LYAR: variants seen among roughly 807,000 people sequenced by gnomAD.
LYAR encodes the protein Ly1 antibody reactive, also known as cell growth-regulating nucleolar protein.
In LYAR, 37 loss-of-function variants were observed where a neutral mutation model predicts 45.2. The observed-to-expected ratio is 0.82, with a 90% CI of 0.63 to 1.08. The LOEUF (loss-of-function observed/expected upper bound fraction) is 1.08. LYAR is among the 50% of genes least tolerant of loss of function. LYAR has a pLI of 0.00. For synonymous variants in LYAR, 176 were observed against 155.1 expected (o/e 1.14, Z -1.00); for missense variants, 493 against 451.0 (o/e 1.09, Z -0.84).
At position 4,268,716 on chromosome 4, in the gene LYAR, A is replaced by T. The variant is rs1355938210; in HGVS notation, c.920-101T>A. On this transcript the variant is annotated intron_variant, in intron 8 of 9. Transcript: ENST00000343470. ...ACACCTATTTGCTTCCCAGGAAATGAGCTAACCCTCTAATGAACCAGACTC... is the reference window on the plus strand; with the variant it reads ...ACACCTATTTGCTTCCCAGGAAATGTGCTAACCCTCTAATGAACCAGACTC... 44 of 718,832 alleles carry T rather than the reference A, an allele frequency of 6.1e-5. 1 individual carries two copies. In the South Asian group the frequency reaches 7.5e-4, roughly 12 times the overall value. The allele number at this position is 718,832 out of a possible 1,614,324, so 44.5% of individuals were successfully genotyped here. A position where few individuals can be genotyped will look rare whatever the true frequency, so the allele number is the denominator to read the frequency against.
rs190875218 is a variant in LYAR at position 4,271,302 on chromosome 4, A to G, written c.919+2281T>C. On this transcript the variant is annotated intron_variant, in intron 8 of 9. Transcript: ENST00000343470. ...CTGTGCTTGGCTTATTTCACTTAGC[A>G]TAATGACTTCCAGTTCCATCCACGT... Among the ~76,000 whole-genome samples, 46 of 152,322 alleles carry G rather than the reference A, an allele frequency of 3.0e-4. No individual in the cohort carries two copies. The East Asian group carries it at 7.7e-3, about 26-fold the overall frequency.
chr4:4,276,396 G>A lies in LYAR; in HGVS notation c.430-1627C>T, dbSNP rs73795223. Among the ~76,000 whole-genome samples, 624 of 152,214 alleles carry A rather than the reference G, an allele frequency of 4.1e-3. 3 individuals carry two copies. Among genetic ancestry groups the A allele is most frequent in the African/African-American group, 0.015 (604 of 41,530 alleles). On this transcript the variant is annotated intron_variant, in intron 6 of 9. Transcript: ENST00000343470. ...ACTCAGGACTCAGACCTTAAGGCTC[G>A]ATCCTTGGCTACAAGAGCAGCATTA...
At chr4:4,278,050 A>C (rs1257818831) in intron 6 of LYAR, among the ~76,000 whole-genome samples, 1 of 152,178 alleles carries the variant, frequency 6.6e-6, no homozygotes, top group Admixed American at 6.5e-5. Context: ...ACTGGAAAAA[A>C]CTTTCTAAAA....
Position 4,274,471 on chromosome 4 carries a change from C to T in LYAR, c.728G>A (p.Gly243Asp), listed in dbSNP as rs41264703. The T allele has an allele frequency of 0.018, 29,627 of 1,614,142 alleles. 332 individuals are homozygous for T. The highest frequency in any genetic ancestry group is 0.022 in the Non-Finnish European group (25,715 of 1,180,020). ...AGGEEVPEAN[G>D]SAGKRSKKKK... Reference sequence around the variant, plus strand: ...CTTCTTGCTCCTCTTCCCTGCAGAGCCATTGGCCTCAGGGACTTCCTCCCC... The same window carrying T: ...CTTCTTGCTCCTCTTCCCTGCAGAGTCATTGGCCTCAGGGACTTCCTCCCC... Residue 243 changes from glycine (G) to aspartate (D), a missense_variant, in exon 7 of 10, where the codon GGC becomes GAC. Gly to Asp is a moderately conservative substitution (Grantham distance 94, BLOSUM62 -1). Coordinates refer to ENST00000343470, the MANE Select transcript of LYAR (RefSeq NM_017816.3).
At chr4:4,276,844 G>A (rs935755291) in intron 6 of LYAR, among the ~76,000 whole-genome samples, 2 of 152,030 alleles carry the variant, frequency 1.3e-5, no homozygotes, top group African/African-American at 4.8e-5. Context: ...GTGACAGAGT[G>A]AGACTCCGTC....
chr4:4,279,194 A>G (rs1049315483), intron 6 of LYAR, among the ~76,000 whole-genome samples: 1 of 151,980 alleles, frequency 6.6e-6, no homozygotes, highest in Admixed American at 6.6e-5. Context: ...TTAGCTGGGC[A>G]TGATGGCTCG....
At position 4,279,744 on chromosome 4, in the gene LYAR, A is replaced by G; in HGVS notation, c.243T>C (p.Ile81=). Reference sequence around the variant, plus strand: ...CATTGGGTCTCTTTATTAATTCACTAATTTTCTACAAAAAGGGAAGAAAAA... The same window carrying G: ...CATTGGGTCTCTTTATTAATTCACTGATTTTCTACAAAAAGGGAAGAAAAA... ...DIKQQAWIQK[I]SELIKRPNVS... The change falls in exon 5 of 10, where the codon ATT becomes ATC. Residue 81 remains isoleucine, a synonymous_variant. Coordinates refer to ENST00000343470, the MANE Select transcript of LYAR (RefSeq NM_017816.3). 1 of 1,582,218 alleles carries G rather than the reference A, an allele frequency of 6.3e-7. No individual in the cohort carries two copies. The highest frequency in any genetic ancestry group is 1.4e-5 in the African/African-American group (1 of 73,704).
At chr4:4,283,025 C>T (rs1434961475) in intron 3 of LYAR, among the ~76,000 whole-genome samples, 2 of 152,218 alleles carry the variant, frequency 1.3e-5, no homozygotes, top group African/African-American at 4.8e-5. Flanking sequence ...TTCCCTGGGT[C>T]TGTAAACAGT....
intron 1 of LYAR, among the ~76,000 whole-genome samples, chr4:4,287,266 A>T (rs1300702185): frequency 1.3e-5 from 2 of 152,306 alleles, no homozygotes; most frequent in East Asian, 3.9e-4. Context: ...GGCAGAAGGC[A>T]GTGTTCTTGG....
Position 4,281,917 on chromosome 4 carries a change from T to C in LYAR, c.123-20A>G, listed in dbSNP as rs769734974. 8 of 1,566,784 alleles carry C rather than the reference T, an allele frequency of 5.1e-6. No homozygotes were observed. Among genetic ancestry groups the C allele is most frequent in the Non-Finnish European group, 3.5e-6 (4 of 1,137,416 alleles). Reference sequence around the variant, plus strand: ...TCGCCCCTTTAAAGTGATCAAAAGTTCTGCCATTAGACTGATACCCAAGTT... The same window carrying C: ...TCGCCCCTTTAAAGTGATCAAAAGTCCTGCCATTAGACTGATACCCAAGTT... On this transcript the variant is annotated intron_variant, in intron 3 of 9. Transcript: ENST00000343470.
chr4:4,274,576 A>T lies in LYAR; in HGVS notation c.623T>A (p.Leu208Ter). ...KRKREKKELK[L>*]ENHQENSRNQ... ...CCTTGAGTTTTCCTGGTGGTTTTCT[A>T]ACTTTAGTTCTTTCTTTTCTCTTTT... The change falls in exon 7 of 10, where the codon TTA (leucine) becomes TAA (stop). Residue 208 changes from leucine (L) to a stop codon, truncating the protein, a stop_gained. Transcript: ENST00000343470. LOFTEE classifies it high-confidence loss of function. The T allele has an allele frequency of 1.2e-6, 2 of 1,613,242 alleles. No individual in the cohort carries two copies. Among genetic ancestry groups the T allele is most frequent in the Non-Finnish European group, 1.7e-6 (2 of 1,179,858 alleles).
chr4:4,268,481 A>C (rs1339025556), intron 9 of LYAR, 49 bp downstream of exon 9: 2 of 1,191,174 alleles, frequency 1.7e-6, no homozygotes, highest in South Asian at 1.3e-5. Flanking sequence ...ACATTTAGAA[A>C]TAAGTTCTCC....
intron 8 of LYAR, among the ~76,000 whole-genome samples, chr4:4,271,644 C>A (rs1283034457): frequency 6.6e-6 from 1 of 152,186 alleles, no homozygotes; most frequent in African/African-American, 2.4e-5. Flanking sequence ...AGTGCACCAG[C>A]GTTCCTTTTT....
chr4:4,286,080 T>C (rs904669691), intron 2 of LYAR, among the ~76,000 whole-genome samples: 2 of 152,362 alleles, frequency 1.3e-5, no homozygotes, highest in Admixed American at 6.5e-5. Context: ...AATGGGTGGA[T>C]TGCACAGGAA....
At chr4:4,281,638 G>T in intron 4 of LYAR, 145 bp downstream of exon 4, 1 of 637,960 alleles carries the variant, frequency 1.6e-6, no homozygotes, top group East Asian at 2.6e-5. Flanking sequence ...TTTTTCAAGA[G>T]GTTTTAGTTC....
intron 7 of LYAR, 62 bp from the exon 8 acceptor site, chr4:4,273,731 T>C: frequency 5.3e-6 from 5 of 937,040 alleles, no homozygotes; most frequent in Non-Finnish European, 8.6e-6. Flanking sequence ...AGCTACCATT[T>C]AATGAGACCT....
chr4:4,268,674 A>G (rs1296056870), intron 8 of LYAR, 59 bp from the exon 9 acceptor site: 1 of 1,148,668 alleles, frequency 8.7e-7, no homozygotes, highest in Admixed American at 2.0e-5. Flanking sequence ...GAGAAGGGTA[A>G]AGAAACAACT....
At chr4:4,268,056 T>G in intron 9 of LYAR, 33 bp from the exon 10 acceptor site, 1 of 1,524,376 alleles carries the variant, frequency 6.6e-7, no homozygotes, top group Non-Finnish European at 8.8e-7. Context: ...TGAGTGTATT[T>G]GACCTGGAAA....
At chr4:4,272,134 A>C (rs1179901417) in intron 8 of LYAR, among the ~76,000 whole-genome samples, 1 of 152,178 alleles carries the variant, frequency 6.6e-6, no homozygotes, top group Non-Finnish European at 1.5e-5. Context: ...AGCCTTGCGC[A>C]ATGGCGATGG....
Sources: allele counts gnomAD v4.1 joint callset (sites outside exome capture counted in the v4.1 genomes callset), GRCh38; gene constraint gnomAD v4.1.1; transcripts MANE v1.5; gene names NCBI Gene and HGNC (gene_info 2026-07-23, HGNC 2026-07-21).